The following BRPF3 variants were observed in gnomAD, a reference collection of about 807,000 sequenced individuals.
BRPF3 encodes bromodomain and PHD finger containing 3.
A neutral mutation model predicts 102.0 loss-of-function variants in BRPF3; 18 were observed. The ratio of observed to expected loss-of-function variants is 0.18; its 90% CI spans 0.12 to 0.26. BRPF3 has a LOEUF of 0.26. Ranked by LOEUF, BRPF3 falls within the 10% of genes least tolerant of loss-of-function variation. The pLI is 1.00. For missense variants in BRPF3, 1,147 were observed against 1,567.8 expected (o/e 0.73, Z 4.53); for synonymous variants, 570 against 614.2 (o/e 0.93, Z 1.06).
chr6:36,225,397 C>T (rs1403302271), intron 11 of BRPF3, 33 bp downstream of exon 11: 2 of 1,580,200 alleles, frequency 1.3e-6, no homozygotes, highest in Admixed American at 1.7e-5. Flanking sequence ...CCTCCTATCT[C>T]CCCTGCCTTG....
rs1256130610 is a variant in BRPF3 at position 36,201,841 on chromosome 6, G to A, written c.1448+71G>A. 6.6e-7 allele frequency: 1 copy of A among 1,519,666 alleles called. No individual in the cohort carries two copies. The highest frequency in any genetic ancestry group is 1.4e-5 in the African/African-American group (1 of 71,812). 94.1% of individuals were successfully genotyped at this position (1,519,666 alleles called of 1,614,324 possible). A position where few individuals can be genotyped will look rare whatever the true frequency, so the allele number is the denominator to read the frequency against. On this transcript the variant is annotated intron_variant, in intron 2 of 12. Coordinates refer to ENST00000357641, the MANE Select transcript of BRPF3 (RefSeq NM_015695.3). This position sits in a 1 kb window ranked among gnomAD's most constrained non-coding sequence, Gnocchi z 5.1. ...TGGGTTGGTGTTGGCCCTGTGCCAG[G>A]CCTTCGCTAAACACAGTTGGACACT...
At chr6:36,207,242 G>C in intron 3 of BRPF3, 71 bp from the exon 4 acceptor site, 1 of 1,570,316 alleles carries the variant, frequency 6.4e-7, no homozygotes, top group Non-Finnish European at 8.7e-7. Flanking sequence ...CTGCAGCCCC[G>C]TGAGGCTTGA....
chr6:36,201,856 A>G lies in BRPF3; in HGVS notation c.1448+86A>G, dbSNP rs1000835112. The G allele has an allele frequency of 1.1e-5, 16 of 1,501,382 alleles. No individual in the cohort carries two copies. The highest frequency in any genetic ancestry group is 1.4e-5 in the Non-Finnish European group (16 of 1,121,962). 93.0% of individuals were successfully genotyped at this position (1,501,382 alleles called of 1,614,324 possible). ...CCTGTGCCAGGCCTTCGCTAAACAC[A>G]GTTGGACACTATATCCTCCTCCCCG... On this transcript the variant is annotated intron_variant, in intron 2 of 12. Transcript: ENST00000357641. The surrounding 1 kb of genome is among the most constrained non-coding windows in gnomAD (Gnocchi z 5.1).
intron 8 of BRPF3, among the ~76,000 whole-genome samples, chr6:36,214,910 T>C (rs1275512250): frequency 6.6e-6 from 1 of 151,506 alleles, no homozygotes; most frequent in Non-Finnish European, 1.5e-5. Flanking sequence ...TCTGAAGGAG[T>C]TGAAGGCATG....
chr6:36,211,216 G>T (rs777723010), intron 6 of BRPF3, 42 bp from the exon 7 acceptor site: 8 of 1,587,684 alleles, frequency 5.0e-6, no homozygotes, highest in Middle Eastern at 1.8e-4. Context: ...CCTGTGCTGG[G>T]CAGGTCCTTC....
In BRPF3 at chr6:36,201,341, A is replaced by G; in HGVS notation, c.1019A>G (p.His340Arg). The G allele has an allele frequency of 6.2e-7, 1 of 1,614,176 alleles. No individual in the cohort carries two copies. The highest frequency in any genetic ancestry group is 8.5e-7 in the Non-Finnish European group (1 of 1,180,006). ...QKGLGAAIQC[H>R]KVNCYTAFHV... ...GGGCTAGGTGCAGCCATCCAGTGCC[A>G]TAAGGTGAACTGCTACACAGCATTC... Residue 340 changes from histidine to arginine, a missense_variant, in exon 2 of 13, where the codon CAT becomes CGT. Around this residue, in one of 11 missense-constraint regions of BRPF3, gnomAD observed 44 missense variants for 101.4 expected, o/e 0.43. Transcript: ENST00000357641. This position sits in a 1 kb window ranked among gnomAD's most constrained non-coding sequence, Gnocchi z 5.1.
chr6:36,215,400 G>A (rs961788043), intron 8 of BRPF3, among the ~76,000 whole-genome samples: 15 of 152,148 alleles, frequency 9.9e-5, no homozygotes, highest in African/African-American at 3.1e-4. Flanking sequence ...ATGAGCCACC[G>A]CGCCCCACCT....
In BRPF3 at chr6:36,201,259, A is replaced by G. The variant is rs753041915; in HGVS notation, c.937A>G (p.Ile313Val). 1 of 1,614,066 alleles carries G rather than the reference A, an allele frequency of 6.2e-7. No homozygotes were observed. Among genetic ancestry groups the G allele is most frequent in the African/African-American group, 1.3e-5 (1 of 74,914 alleles). ...NTVFLEPIEG[I>V]DNIPPARWKL... The stretch of plus-strand genomic sequence containing the variant: ...CGTGTTCTTGGAACCTATTGAGGGC[A>G]TTGACAATATCCCGCCTGCCCGCTG... The change falls in exon 2 of 13, where the codon ATT becomes GTT. Residue 313 changes from isoleucine (I) to valine (V), a missense_variant. This residue lies in a region of BRPF3 where 44 missense variants were observed against 101.4 expected (regional missense o/e 0.43). Transcript: ENST00000357641. The surrounding 1 kb of genome is among the most constrained non-coding windows in gnomAD (Gnocchi z 5.1).
rs2127299632 is a variant in BRPF3 at position 36,230,831 on chromosome 6, A to G, written c.*222A>G. The G allele has an allele frequency of 3.5e-6, 2 of 568,110 alleles. No homozygotes were observed. Among genetic ancestry groups the G allele is most frequent in the Non-Finnish European group, 6.2e-6 (2 of 324,392 alleles). The allele number at this position is 568,110 out of a possible 1,614,324, so 35.2% of individuals were successfully genotyped here. Reference sequence around the variant, plus strand: ...CAAAAACTCCCACCCAAGGTCCCTCAGGGGATATTTCACTGAAGAACCAGT... The same window carrying G: ...CAAAAACTCCCACCCAAGGTCCCTCGGGGGATATTTCACTGAAGAACCAGT... On this transcript the variant is annotated 3_prime_UTR_variant, in exon 13 of 13. Coordinates refer to ENST00000357641, the MANE Select transcript of BRPF3 (RefSeq NM_015695.3). This position sits in a 1 kb window ranked among gnomAD's most constrained non-coding sequence, Gnocchi z 5.4.
intron 1 of BRPF3, among the ~76,000 whole-genome samples, chr6:36,199,115 CA>C (rs933130011): frequency 7.2e-5 from 11 of 152,164 alleles, no homozygotes; most frequent in Non-Finnish European, 1.6e-4. Context: ...TCCCAACCCC[CA>C]GGCCGCAGAC....
rs764356550 is a variant in BRPF3 at position 36,200,369 on chromosome 6, G to A, written c.47G>A (p.Arg16His). The change falls in exon 2 of 13, where the codon CGT becomes CAT. Residue 16 changes from arginine (R) to histidine (H), a missense_variant. By Grantham distance (29) the Arg-to-His change is conservative (BLOSUM62 0). Transcript: ENST00000357641. The surrounding 1 kb of genome is among the most constrained non-coding windows in gnomAD (Gnocchi z 5.3). ...RKSRQNAEGR[R>H]SPSPYSLKCS... ...TCCCGGCAGAATGCCGAGGGCCGGC[G>A]TTCCCCGTCCCCCTACAGTCTCAAG... 11 of 1,614,068 alleles carry A rather than the reference G, an allele frequency of 6.8e-6. No individual in the cohort carries two copies. The highest frequency in any genetic ancestry group is 8.5e-6 in the Non-Finnish European group (10 of 1,180,024).
chr6:36,211,109 G>A, intron 6 of BRPF3, 149 bp from the exon 7 acceptor site: 1 of 868,266 alleles, frequency 1.2e-6, no homozygotes. Context: ...CAGTGGTGTT[G>A]CAGGGCCAAG....
rs773601872 is a variant in BRPF3, at chr6:36,211,342, T to C, written c.2264T>C (p.Val755Ala). 7 of 1,614,242 alleles carry C rather than the reference T, an allele frequency of 4.3e-6. No individual in the cohort carries two copies. Among genetic ancestry groups the C allele is most frequent in the Non-Finnish European group, 4.2e-6 (5 of 1,180,038 alleles). ...LKELLEKLDL[V>A]SAMRSSGART... ...GAGCTGCTGGAGAAACTGGACCTGG[T>C]GAGCGCCATGCGGTCCAGTGGGGCC... The change falls in exon 7 of 13, where the codon GTG becomes GCG. Residue 755 changes from valine (V) to alanine (A), a missense_variant. By Grantham distance (64) the Val-to-Ala change is moderately conservative. Transcript: ENST00000357641.
chr6:36,223,119 C>T (rs967105806), intron 10 of BRPF3, among the ~76,000 whole-genome samples: 2 of 152,160 alleles, frequency 1.3e-5, no homozygotes, highest in Non-Finnish European at 2.9e-5. Context: ...GCAGGCTGTT[C>T]TCTGAGCTCA....
Position 36,201,788 on chromosome 6 carries a change from G to C in BRPF3, c.1448+18G>C, listed in dbSNP as rs1363820434. 6 of 1,568,434 alleles carry C rather than the reference G, an allele frequency of 3.8e-6. No individual in the cohort carries two copies. Among genetic ancestry groups the C allele is most frequent in the East Asian group, 2.2e-5 (1 of 44,616 alleles). On this transcript the variant is annotated intron_variant, in intron 2 of 12. Coordinates refer to ENST00000357641, the MANE Select transcript of BRPF3 (RefSeq NM_015695.3). This position sits in a 1 kb window ranked among gnomAD's most constrained non-coding sequence, Gnocchi z 5.1. ...TCTTACAGGTAAGCATGCCCAGAAG[G>C]GCTCCTTAGGGACTCATGGTTTCTT...
At chr6:36,225,461 G>C in intron 11 of BRPF3, 97 bp downstream of exon 11, 1 of 1,148,394 alleles carries the variant, frequency 8.7e-7, no homozygotes, top group South Asian at 1.4e-5. Flanking sequence ...GGGAGTCAGA[G>C]TGTCTTTAGC....
intron 12 of BRPF3, 136 bp downstream of exon 12, chr6:36,229,192 C>T: frequency 8.9e-7 from 1 of 1,125,110 alleles, no homozygotes; most frequent in Non-Finnish European, 1.2e-6. Flanking sequence ...AACAGGCCTG[C>T]ACTTGGCATG....
intron 2 of BRPF3, among the ~76,000 whole-genome samples, chr6:36,202,597 G>A (rs765944005): frequency 6.6e-6 from 1 of 152,192 alleles, no homozygotes; most frequent in Non-Finnish European, 1.5e-5. Flanking sequence ...CACTGTTAGA[G>A]CAGGAAGGAG....
intron 3 of BRPF3, 24 bp from the exon 4 acceptor site, chr6:36,207,289 T>C (rs1043333317): frequency 6.2e-7 from 1 of 1,607,482 alleles, no homozygotes; most frequent in African/African-American, 1.3e-5. Context: ...AGGTTCCTAG[T>C]CCCTCTTCTC....
Sources: gnomAD v4.1 joint callset for allele counts (sites outside exome capture counted in the v4.1 genomes callset) on GRCh38, gnomAD v4.1.1 for gene constraint, gnomAD v4.1.1 regional missense constraint, Gnocchi (gnomAD v3.1) non-coding constraint, MANE v1.5 for transcripts, NCBI Gene and HGNC (gene_info 2026-07-23, HGNC 2026-07-21) for gene names.